Variants in CHST11 observed in about 807,000 individuals in gnomAD.
The protein encoded by CHST11 is C4S-1.
Under a neutral mutation model 30.4 loss-of-function variants are expected in CHST11, and 9 were observed. That is an observed-to-expected ratio of 0.30 (90% confidence interval 0.18 to 0.52). The LOEUF (loss-of-function observed/expected upper bound fraction) is 0.52, where lower values mean the gene tolerates loss of function less well. Ranked by LOEUF, CHST11 falls within the 20% of genes least tolerant of loss-of-function variation. The pLI is 0.97. For missense variants in CHST11, 348 were observed against 460.6 expected, an observed-to-expected ratio of 0.76 and a Z score of 2.24; for synonymous variants, 152 against 187.8, an observed-to-expected ratio of 0.81 and a Z score of 1.56.
intron 1 of CHST11, among the ~76,000 whole-genome samples, chr12:104,587,301 T>G (rs1447696372): frequency 6.6e-6 from 1 of 152,228 alleles, no homozygotes; most frequent in Non-Finnish European, 1.5e-5. Flanking sequence ...ACACTTAATC[T>G]TCTGATAACA....
chr12:104,585,558 A>G (rs1297595557), intron 1 of CHST11, among the ~76,000 whole-genome samples: 1 of 152,112 alleles, frequency 6.6e-6, no homozygotes, highest in Admixed American at 6.5e-5. Context: ...CCCCACAACA[A>G]CTCTACTAGG....
intron 2 of CHST11, among the ~76,000 whole-genome samples, chr12:104,702,541 G>A (rs575651271): frequency 1.3e-5 from 2 of 151,708 alleles, no homozygotes; most frequent in African/African-American, 4.8e-5. Flanking sequence ...CTGTGATGTT[G>A]ACTGATGGGA....
intron 1 of CHST11, among the ~76,000 whole-genome samples, chr12:104,464,279 G>C (rs1284036914): frequency 6.6e-6 from 1 of 152,012 alleles, no homozygotes; most frequent in Non-Finnish European, 1.5e-5. Flanking sequence ...TGTTGGCCAA[G>C]CTGGTCTTGA....
chr12:104,739,190 C>T (rs1240058466), intron 2 of CHST11, among the ~76,000 whole-genome samples: 1 of 152,200 alleles, frequency 6.6e-6, no homozygotes, highest in East Asian at 1.9e-4. Context: ...CCACCTGGAA[C>T]ACCCTGAACT....
chr12:104,616,368 A>T (rs1203143527), intron 2 of CHST11, among the ~76,000 whole-genome samples: 1 of 152,106 alleles, frequency 6.6e-6, no homozygotes, highest in Non-Finnish European at 1.5e-5. Context: ...GGTTTTTCCT[A>T]CTCAAAGACA....
At chr12:104,602,994 C>T (rs1007112773) in intron 2 of CHST11, among the ~76,000 whole-genome samples, 7 of 152,176 alleles carry the variant, frequency 4.6e-5, no homozygotes, top group Non-Finnish European at 1.0e-4. Flanking sequence ...ATTTATGCAT[C>T]ATGGGTGGCC....
intron 2 of CHST11, among the ~76,000 whole-genome samples, chr12:104,706,252 C>T (rs935187595): frequency 1.2e-4 from 16 of 137,622 alleles, no homozygotes; most frequent in African/African-American, 4.4e-4. Flanking sequence ...GGTGTGGTAG[C>T]GCATGCCTGT....
chr12:104,599,918 C>G (rs1184514451), intron 1 of CHST11, among the ~76,000 whole-genome samples: 3 of 152,204 alleles, frequency 2.0e-5, no homozygotes, highest in African/African-American at 7.2e-5. Flanking sequence ...CCAGATTTCC[C>G]TGTTCATCAG....
chr12:104,605,768 G>A (rs988726167), intron 2 of CHST11, among the ~76,000 whole-genome samples: 1 of 152,158 alleles, frequency 6.6e-6, no homozygotes, highest in African/African-American at 2.4e-5. Context: ...TGTGGGCCGA[G>A]CACATCTGCG....
At chr12:104,489,472 T>TTTTA (rs987479128) in intron 1 of CHST11, among the ~76,000 whole-genome samples, 28 of 152,102 alleles carry the variant, frequency 1.8e-4, no homozygotes, top group East Asian at 5.8e-4. Context: ...ATACCCTATC[T>TTTTA]TTTATTTATT....
At position 104,583,955 on chromosome 12, in the gene CHST11, C is replaced by T. The variant is rs139925819; in HGVS notation, c.119-17951C>T. ...CCCAAACTCCCGACCTCAAGTGATC[C>T]GCCCTCCTCGGCCTCCCAAAGTGCT... On this transcript the variant is annotated intron_variant, in intron 1 of 2. Coordinates refer to ENST00000303694, the MANE Select transcript of CHST11 (RefSeq NM_018413.6). 1.6e-3 allele frequency among the ~76,000 whole-genome samples: 247 copies of T among 152,304 alleles called. 2 individuals carry two copies. The highest frequency in any genetic ancestry group is 4.9e-3 in the African/African-American group (202 of 41,566).
At chr12:104,607,594 C>T (rs895999680) in intron 2 of CHST11, among the ~76,000 whole-genome samples, 4 of 152,058 alleles carry the variant, frequency 2.6e-5, no homozygotes, top group Non-Finnish European at 5.9e-5. Flanking sequence ...AGCACACTTC[C>T]CCATGTTAAA....
At chr12:104,500,546 T>TTAGTTTG (rs376929370) in intron 1 of CHST11, among the ~76,000 whole-genome samples, 29,163 of 152,090 alleles carry the variant, frequency 0.19, 3,030 homozygotes, top group East Asian at 0.33. Flanking sequence ...GGTATTTCTC[T>TTAGTTTG]GTGAAATGAG....
At chr12:104,652,390 T>C (rs2039499485) in intron 2 of CHST11, among the ~76,000 whole-genome samples, 1 of 151,886 alleles carries the variant, frequency 6.6e-6, no homozygotes, top group African/African-American at 2.4e-5. Context: ...TCAGGCCGTG[T>C]CCCAGGTCCT....
chr12:104,584,392 G>A (rs922643706), intron 1 of CHST11, among the ~76,000 whole-genome samples: 3 of 151,866 alleles, frequency 2.0e-5, no homozygotes, highest in Non-Finnish European at 2.9e-5. Flanking sequence ...CAGTAGCTGG[G>A]ACTACGGGTA....
chr12:104,642,796 G>T (rs903170830), intron 2 of CHST11, among the ~76,000 whole-genome samples: 1 of 71,124 alleles, frequency 1.4e-5, no homozygotes, highest in African/African-American at 1.3e-4. Context: ...TTATTTTGGG[G>T]ATTTAGATTT....
intron 2 of CHST11, among the ~76,000 whole-genome samples, chr12:104,683,461 A>G (rs2039816964): frequency 6.6e-6 from 1 of 152,192 alleles, no homozygotes; most frequent in East Asian, 1.9e-4. Flanking sequence ...TCAGACCTCT[A>G]AAGGTCTAAA....
At chr12:104,581,195 A>T (rs1413732128) in intron 1 of CHST11, among the ~76,000 whole-genome samples, 1 of 152,182 alleles carries the variant, frequency 6.6e-6, no homozygotes. Flanking sequence ...TTGGACTCTG[A>T]TCCCAAGGGT....
intron 2 of CHST11, among the ~76,000 whole-genome samples, chr12:104,649,194 T>C (rs1391229154): frequency 6.6e-6 from 1 of 152,124 alleles, no homozygotes; most frequent in Admixed American, 6.6e-5. Context: ...ACACATTCAG[T>C]CAATATTCTT....
Sources: gnomAD v4.1 joint callset for allele counts (sites outside exome capture counted in the v4.1 genomes callset) on GRCh38, gnomAD v4.1.1 for gene constraint, MANE v1.5 for transcripts, NCBI Gene and HGNC (gene_info 2026-07-23, HGNC 2026-07-21) for gene names.